The following OPA1 variants were observed in gnomAD, a reference collection of about 807,000 sequenced individuals.
OPA1 encodes the protein dynamin-like GTPase OPA1, mitochondrial.
Under a neutral mutation model 152.9 loss-of-function variants are expected in OPA1, and 59 were observed. The observed-to-expected ratio is 0.39, with a 90% confidence interval of 0.31 to 0.48. The LOEUF (loss-of-function observed/expected upper bound fraction) is 0.48. Among genes scored for constraint, OPA1 ranks in the 20% least tolerant of loss-of-function variants. The pLI is 0.96. For synonymous variants in OPA1, 400 were observed against 389.9 expected (o/e 1.03, Z -0.31); for missense variants, 1,008 against 1,216.8 (o/e 0.83, Z 2.55).
chr3:193,659,924 TCGCTTGAGTTA>T (rs35132796), intron 25 of OPA1, among the ~76,000 whole-genome samples: 64,151 of 151,614 alleles, frequency 0.42, 13,838 homozygotes, highest in Non-Finnish European at 0.43. Context: ...GTCAGAGGAA[TCGCTTGAGTTA>T]AGGAGTTCGA....
chr3:193,606,416 CT>C (rs1218574151), intron 1 of OPA1, among the ~76,000 whole-genome samples: 1 of 147,688 alleles, frequency 6.8e-6, no homozygotes, highest in Non-Finnish European at 1.5e-5. Context: ...TCCCTCCCCC[CT>C]CCCCCAACCC....
At chr3:193,617,637 A>G (rs1441447828) in intron 4 of OPA1, 147 bp from the exon 5 acceptor site, 1 of 704,344 alleles carries the variant, frequency 1.4e-6, no homozygotes, top group Non-Finnish European at 2.5e-6. Flanking sequence ...ATAGACCATA[A>G]TGAGTAGCAT....
intron 21 of OPA1, among the ~76,000 whole-genome samples, chr3:193,653,838 A>G (rs920530953): frequency 6.6e-6 from 1 of 152,206 alleles, no homozygotes; most frequent in Admixed American, 6.5e-5. Flanking sequence ...AGAGAAATAC[A>G]ACGTAAAACC....
chr3:193,657,257 T>A, intron 23 of OPA1, 25 bp downstream of exon 23: 1 of 1,611,288 alleles, frequency 6.2e-7, no homozygotes, highest in Non-Finnish European at 8.5e-7. Context: ...TACTGGGGTA[T>A]CAGCCTCATA....
rs138941539 is a variant in OPA1 at position 193,622,385 on chromosome 3, C to T, written c.678+3449C>T. 2.9e-3 allele frequency among the ~76,000 whole-genome samples: 440 copies of T among 151,912 alleles called. 15 individuals are homozygous for T. The East Asian group carries it at 0.078, about 27-fold the overall frequency. ...CTGGGATTACAGGCTCCTGCCACCA[C>T]GCCTAGCTAATTTTTGTATTTTTAG... On this transcript the variant is annotated intron_variant, in intron 6 of 30. Coordinates refer to ENST00000361510, the MANE Select transcript of OPA1 (RefSeq NM_130837.3).
rs539270827 is a variant in OPA1 at position 193,657,733 on chromosome 3, C to T, written c.2331+501C>T. Among the ~76,000 whole-genome samples, 8 of 152,286 alleles carry T rather than the reference C, an allele frequency of 5.3e-5. No individual in the cohort carries two copies. In the South Asian group the frequency reaches 1.7e-3, roughly 32 times the overall value. ...TAACCACTCCTGTTATTGTCATTGACAGAGCTGGGATTCAAGCCCCTCTCT... is the reference window on the plus strand; with the variant it reads ...TAACCACTCCTGTTATTGTCATTGATAGAGCTGGGATTCAAGCCCCTCTCT... On this transcript the variant is annotated intron_variant, in intron 23 of 30. Transcript: ENST00000361510.
At chr3:193,690,320 C>A (rs1249579175) in intron 29 of OPA1, among the ~76,000 whole-genome samples, 1 of 115,160 alleles carries the variant, frequency 8.7e-6, no homozygotes, top group African/African-American at 3.3e-5. Flanking sequence ...CCACCCCACC[C>A]CACACACACA....
At chr3:193,653,462 C>A (rs1183860084) in intron 21 of OPA1, among the ~76,000 whole-genome samples, 2 of 152,020 alleles carry the variant, frequency 1.3e-5, no homozygotes, top group Non-Finnish European at 2.9e-5. Context: ...TAAGAAGGAT[C>A]CCCTGATAAG....
chr3:193,682,083 T>C (rs1320031043), intron 29 of OPA1, among the ~76,000 whole-genome samples: 2 of 152,200 alleles, frequency 1.3e-5, no homozygotes, highest in Non-Finnish European at 2.9e-5. Context: ...AGAAAAGTTC[T>C]TGAAGGAAAT....
At chr3:193,608,912 G>A (rs1167683627) in intron 1 of OPA1, among the ~76,000 whole-genome samples, 1 of 152,100 alleles carries the variant, frequency 6.6e-6, no homozygotes, top group Non-Finnish European at 1.5e-5. Context: ...ATATATTTAG[G>A]ATAGTTAGCT....
At chr3:193,612,407 C>G (rs924457837) in intron 1 of OPA1, among the ~76,000 whole-genome samples, 1 of 151,392 alleles carries the variant, frequency 6.6e-6, no homozygotes, top group African/African-American at 2.4e-5. Context: ...GTACAGTCCT[C>G]TTTCTTCATG....
intron 26 of OPA1, among the ~76,000 whole-genome samples, chr3:193,663,829 G>C (rs1431498918): frequency 6.6e-6 from 1 of 152,046 alleles, no homozygotes; most frequent in African/African-American, 2.4e-5. Context: ...TATACATCTA[G>C]CATTATTTAT....
intron 29 of OPA1, among the ~76,000 whole-genome samples, chr3:193,676,824 C>CA (rs1210711788): frequency 1.3e-5 from 2 of 151,864 alleles, no homozygotes; most frequent in Non-Finnish European, 2.9e-5. Flanking sequence ...ACTAAAAATA[C>CA]AAAAAATTTA....
intron 21 of OPA1, among the ~76,000 whole-genome samples, chr3:193,651,460 T>A (rs1005534504): frequency 1.4e-4 from 22 of 152,194 alleles, no homozygotes; most frequent in Admixed American, 1.4e-3. Context: ...ATGAGTATGT[T>A]TATATTCAGT....
intron 16 of OPA1, 44 bp from the exon 17 acceptor site, chr3:193,645,509 T>C (rs199952593): frequency 3.0e-4 from 441 of 1,467,542 alleles, no homozygotes; most frequent in Admixed American, 6.0e-4. Flanking sequence ...TTAAAACTTA[T>C]GTAAACTATA....
chr3:193,595,486 T>G (rs990635603), intron 1 of OPA1, among the ~76,000 whole-genome samples: 1 of 152,270 alleles, frequency 6.6e-6, no homozygotes, highest in Non-Finnish European at 1.5e-5. Flanking sequence ...AAGTCTATAT[T>G]CAAAATTCTT....
At chr3:193,676,525 C>A (rs1719009573) in intron 29 of OPA1, among the ~76,000 whole-genome samples, 2 of 152,180 alleles carry the variant, frequency 1.3e-5, no homozygotes, top group South Asian at 4.1e-4. Context: ...AAGTAATCCT[C>A]AAGGAAAGTC....
chr3:193,687,008 G>C (rs1721018448), intron 29 of OPA1, among the ~76,000 whole-genome samples: 1 of 152,164 alleles, frequency 6.6e-6, no homozygotes, highest in African/African-American at 2.4e-5. Flanking sequence ...GTTCTAAACT[G>C]TTATTAACCA....
intron 6 of OPA1, among the ~76,000 whole-genome samples, chr3:193,625,744 TA>T (rs1164820693): frequency 6.6e-6 from 1 of 151,410 alleles, no homozygotes; most frequent in Non-Finnish European, 1.5e-5. Flanking sequence ...GGTTGAGAAT[TA>T]GAAAATTTAG....
Sources: allele counts gnomAD v4.1 joint callset (sites outside exome capture counted in the v4.1 genomes callset), GRCh38; gene constraint gnomAD v4.1.1; transcripts MANE v1.5; gene names NCBI Gene and HGNC (gene_info 2026-07-23, HGNC 2026-07-21).